Variants in BAIAP2 observed in about 807,000 individuals in gnomAD.
BAIAP2 encodes BAR/IMD domain-containing adapter protein 2.
Under a neutral mutation model 63.0 loss-of-function variants are expected in BAIAP2, and 18 were observed. That is an observed-to-expected ratio of 0.29 (90% CI 0.20 to 0.42). The LOEUF (loss-of-function observed/expected upper bound fraction) is 0.42, where lower values mean the gene tolerates loss of function less well. Among genes scored for constraint, BAIAP2 ranks in the 10% least tolerant of loss-of-function variants. The pLI is 1.00. For synonymous variants in BAIAP2, 386 were observed against 307.6 expected, an observed-to-expected ratio of 1.25 and a Z score of -2.67; for missense variants, 610 against 734.3, an observed-to-expected ratio of 0.83 and a Z score of 1.96.
At chr17:81,098,142 CAGAG>C in intron 6 of BAIAP2, 1 of 1,460,266 alleles carries the variant, frequency 6.8e-7, no homozygotes, top group Non-Finnish European at 9.1e-7. Flanking sequence ...GGGACAGAGG[CAGAG>C]AGCCCTGGGG....
chr17:81,068,814 A>G (rs2144717348), intron 3 of BAIAP2, among the ~76,000 whole-genome samples: 1 of 152,256 alleles, frequency 6.6e-6, no homozygotes, highest in East Asian at 1.9e-4. Flanking sequence ...TCTGGTTGCC[A>G]GTGTCTCTGT....
intron 13 of BAIAP2, among the ~76,000 whole-genome samples, chr17:81,113,737 G>C (rs4076427): frequency 0.34 from 51,487 of 151,952 alleles, 9,401 homozygotes; most frequent in East Asian, 0.51. Flanking sequence ...CCACTGTTCT[G>C]GGAGACAAGA....
At chr17:81,098,337 T>C in intron 6 of BAIAP2, 1 of 541,306 alleles carries the variant, frequency 1.8e-6, no homozygotes, top group Non-Finnish European at 2.8e-6. Context: ...CCCTCTCCAG[T>C]TTCCTCCCGA....
chr17:81,042,863 C>T (rs982924804), intron 1 of BAIAP2, among the ~76,000 whole-genome samples: 1 of 151,378 alleles, frequency 6.6e-6, no homozygotes, highest in African/African-American at 2.4e-5. Flanking sequence ...TGCTTCCAGG[C>T]GGGGCTTTTA....
In BAIAP2 at chr17:81,046,774, C is replaced by G. The variant is rs966107407; in HGVS notation, c.55-6894C>G. Among the ~76,000 whole-genome samples, 1 of 152,104 alleles carries G rather than the reference C, an allele frequency of 6.6e-6. No homozygotes were observed. Among genetic ancestry groups the G allele is most frequent in the South Asian group, 2.1e-4 (1 of 4,822 alleles). ...TGGCCGGGGGTTTCCAGGCTTGGCT[C>G]TGTCCCGTGCGCCCTTCCCTGGAGC... On this transcript the variant is annotated intron_variant, in intron 1 of 13. Transcript: ENST00000428708. The surrounding 1 kb of genome is among the most constrained non-coding windows in gnomAD (Gnocchi z 4.5).
Position 81,116,130 on chromosome 17 carries a change from C to T in BAIAP2, c.*291C>T. Reference sequence around the variant, plus strand: ...ACATGGCCATGGAGCCTTGGGTACCCCTGAGTTAAGGGAGGACATTTGGCC... The same window carrying T: ...ACATGGCCATGGAGCCTTGGGTACCTCTGAGTTAAGGGAGGACATTTGGCC... On this transcript the variant is annotated 3_prime_UTR_variant, in exon 14 of 14. Transcript: ENST00000428708. The T allele has an allele frequency of 1.9e-6, 3 of 1,582,618 alleles. No homozygotes were observed. Among genetic ancestry groups the T allele is most frequent in the Non-Finnish European group, 2.6e-6 (3 of 1,165,186 alleles).
chr17:81,103,786 C>CGG lies in BAIAP2; in HGVS notation c.864+68_864+69dup, dbSNP rs571846743. The CGG allele has an allele frequency of 9.3e-5, 145 of 1,561,962 alleles. No homozygotes were observed. The East Asian group carries it at 2.3e-3, about 25-fold the overall frequency. ...GTGGGAGGGCAGCTTGTTGTCAGGG[C>CGG]GGGGGGCCGCCAGGGTGCAGAGTCC... On this transcript the variant is annotated intron_variant, in intron 8 of 13. Transcript: ENST00000428708.
chr17:81,087,336 T>C (rs2055858026), intron 6 of BAIAP2, among the ~76,000 whole-genome samples: 1 of 152,130 alleles, frequency 6.6e-6, no homozygotes, highest in East Asian at 1.9e-4. Context: ...CTGCTGGCAG[T>C]CAGGTTTTCA....
At chr17:81,102,066 C>T (rs760545034) in intron 7 of BAIAP2, among the ~76,000 whole-genome samples, 11 of 151,108 alleles carry the variant, frequency 7.3e-5, no homozygotes, top group Non-Finnish European at 1.5e-5. Context: ...GGAGGGGTTG[C>T]GGGATGTGCC....
At chr17:81,062,592 C>T (rs1054612986) in intron 3 of BAIAP2, among the ~76,000 whole-genome samples, 1 of 152,166 alleles carries the variant, frequency 6.6e-6, no homozygotes, top group South Asian at 2.1e-4. Flanking sequence ...GAGTCAGCTT[C>T]TCCTCCTCCC....
chr17:81,051,034 C>T (rs576497955), intron 1 of BAIAP2, among the ~76,000 whole-genome samples: 115 of 152,020 alleles, frequency 7.6e-4, no homozygotes, highest in African/African-American at 2.7e-3. Flanking sequence ...CTCTGGCTCA[C>T]GTTCTCCTGG....
chr17:81,081,072 C>G (rs556007480), intron 3 of BAIAP2, among the ~76,000 whole-genome samples: 1 of 152,364 alleles, frequency 6.6e-6, no homozygotes, highest in African/African-American at 2.4e-5. Context: ...GACCTTGTGC[C>G]TGTTGTCACC....
chr17:81,055,569 G>GGTTTTTTTTTT (rs138656369), intron 2 of BAIAP2, among the ~76,000 whole-genome samples: 25 of 94,108 alleles, frequency 2.7e-4, no homozygotes, highest in South Asian at 1.3e-3. Flanking sequence ...TCTGCAGGGT[G>GGTTTTTTTTTT]TTTTGTTTTT....
chr17:81,044,898 C>T (rs954782647), intron 1 of BAIAP2, among the ~76,000 whole-genome samples: 2 of 152,220 alleles, frequency 1.3e-5, no homozygotes, highest in African/African-American at 4.8e-5. Context: ...CCGTGTGGGC[C>T]GGACACCCCG....
In BAIAP2 at chr17:81,115,755, G is replaced by T. The variant is rs201060434; in HGVS notation, c.1536-15G>T. The T allele has an allele frequency of 6.2e-7, 1 of 1,613,440 alleles. No homozygotes were observed. The highest frequency in any genetic ancestry group is 1.1e-5 in the South Asian group (1 of 91,090). ...CTTCCGCCCTAAAAATTAAAACCAC[G>T]TTTTTCTCTTTCAGGAATCCCTTTG... On this transcript the variant is annotated splice_polypyrimidine_tract_variant and intron_variant, in intron 13 of 13. Transcript: ENST00000428708.
At chr17:81,037,306 A>T (rs1470330885) in intron 1 of BAIAP2, among the ~76,000 whole-genome samples, 1 of 152,182 alleles carries the variant, frequency 6.6e-6, no homozygotes, top group Non-Finnish European at 1.5e-5. Context: ...GGGTCGATCC[A>T]CTCTGGAAAG....
intron 3 of BAIAP2, among the ~76,000 whole-genome samples, chr17:81,071,701 C>G (rs531505060): frequency 6.6e-6 from 1 of 152,264 alleles, no homozygotes; most frequent in African/African-American, 2.4e-5. Context: ...GAGGGACTCA[C>G]GTCCAGCTCC....
At chr17:81,049,579 C>T (rs1330791403) in intron 1 of BAIAP2, among the ~76,000 whole-genome samples, 1 of 152,218 alleles carries the variant, frequency 6.6e-6, no homozygotes, top group African/African-American at 2.4e-5. Flanking sequence ...GGCGTCTGGG[C>T]GTCTGAGCTC....
intron 6 of BAIAP2, among the ~76,000 whole-genome samples, chr17:81,092,038 G>A (rs565146188): frequency 6.6e-6 from 1 of 152,382 alleles, no homozygotes; most frequent in South Asian, 2.1e-4. Context: ...GTGGTGGCTG[G>A]TGCCTGACTC....
Sources: allele counts gnomAD v4.1 joint callset (sites outside exome capture counted in the v4.1 genomes callset), GRCh38; gene constraint gnomAD v4.1.1; non-coding constraint Gnocchi (gnomAD v3.1); transcripts MANE v1.5; gene names NCBI Gene and HGNC (gene_info 2026-07-23, HGNC 2026-07-21).